Variants in PTPRN2 observed in about 807,000 individuals in gnomAD.
PTPRN2 encodes receptor-type tyrosine-protein phosphatase N2.
PTPRN2 carries 74 observed loss-of-function variants against 118.8 expected under a neutral mutation model. The ratio of observed to expected loss-of-function variants is 0.62; its 90% confidence interval spans 0.52 to 0.76. The LOEUF is 0.76. PTPRN2 is among the 30% of genes least tolerant of loss of function. The pLI, the probability that PTPRN2 is intolerant of heterozygous loss-of-function variation, is 0.00. For synonymous variants in PTPRN2, 641 were observed against 608.0 expected (o/e 1.05, Z -0.80); for missense variants, 1,481 against 1,394.4 (o/e 1.06, Z -0.99).
At chr7:158,141,619 G>A (rs1388400174) in intron 6 of PTPRN2, among the ~76,000 whole-genome samples, 1 of 152,100 alleles carries the variant, frequency 6.6e-6, no homozygotes, top group African/African-American at 2.4e-5. Flanking sequence ...CGGCTGTAAG[G>A]ACACATTTTT....
chr7:157,862,433 A>C lies in PTPRN2; in HGVS notation c.1788+36240T>G, dbSNP rs538866576. On this transcript the variant is annotated intron_variant, in intron 12 of 22. Coordinates refer to ENST00000389418, the MANE Select transcript of PTPRN2 (RefSeq NM_002847.5). Reference sequence around the variant, plus strand: ...TCACACGTGTGCTAATTTGCTGTACACCACCGGCTTATTTAATTGTTGTGC... The same window carrying C: ...TCACACGTGTGCTAATTTGCTGTACCCCACCGGCTTATTTAATTGTTGTGC... 4.6e-5 allele frequency: 7 copies of C among 152,340 alleles called. No homozygotes were observed. In the South Asian group the frequency reaches 1.5e-3, roughly 32 times the overall value. The allele number at this position is 152,340 out of a possible 1,614,324, so 9.4% of individuals were successfully genotyped here. A position where few individuals can be genotyped will look rare whatever the true frequency, so the allele number is the denominator to read the frequency against.
At chr7:157,897,543 C>T (rs1797201330) in intron 12 of PTPRN2, among the ~76,000 whole-genome samples, 1 of 152,208 alleles carries the variant, frequency 6.6e-6, no homozygotes, top group East Asian at 1.9e-4. Context: ...AGCACCTGTC[C>T]GGGACGTGCA....
intron 14 of PTPRN2, among the ~76,000 whole-genome samples, chr7:157,653,790 C>T (rs1313699596): frequency 2.6e-5 from 4 of 151,146 alleles, no homozygotes; most frequent in African/African-American, 7.3e-5. Flanking sequence ...GGACTCCACA[C>T]GATGCCCGCT....
intron 2 of PTPRN2, 53 bp downstream of exon 2, chr7:158,489,682 G>T (rs1340858391): frequency 3.9e-6 from 6 of 1,521,724 alleles, no homozygotes; most frequent in Non-Finnish European, 5.3e-6. Flanking sequence ...CGCTGCGCAC[G>T]GCGGGCAGGA....
chr7:157,968,678 C>A (rs1563283271), intron 11 of PTPRN2, among the ~76,000 whole-genome samples: 1 of 152,156 alleles, frequency 6.6e-6, no homozygotes, highest in Non-Finnish European at 1.5e-5. Context: ...GATGAAGAAT[C>A]CAGCCTGGGT....
At chr7:158,545,063 G>A (rs752855148) in intron 1 of PTPRN2, among the ~76,000 whole-genome samples, 14 of 152,220 alleles carry the variant, frequency 9.2e-5, no homozygotes, top group Admixed American at 2.6e-4. Flanking sequence ...CACCCACGGC[G>A]AGGAAGGCAC....
chr7:157,993,329 TA>T (rs111331744), intron 11 of PTPRN2, among the ~76,000 whole-genome samples: 50 of 144,834 alleles, frequency 3.5e-4, no homozygotes, highest in South Asian at 1.1e-3. Context: ...TTTATGAAAT[TA>T]AAAAAAAAAA....
At chr7:157,608,149 C>A (rs1407918399) in intron 15 of PTPRN2, among the ~76,000 whole-genome samples, 1 of 152,178 alleles carries the variant, frequency 6.6e-6, no homozygotes, top group East Asian at 1.9e-4. Context: ...ATCACTGCAA[C>A]CTCCACCTCT....
At chr7:157,728,808 C>T (rs1156409626) in intron 12 of PTPRN2, among the ~76,000 whole-genome samples, 1 of 152,210 alleles carries the variant, frequency 6.6e-6, no homozygotes, top group East Asian at 1.9e-4. Flanking sequence ...AATGAATTCC[C>T]AATCCCAGAC....
At chr7:157,873,782 A>T (rs1795536327) in intron 12 of PTPRN2, among the ~76,000 whole-genome samples, 1 of 151,918 alleles carries the variant, frequency 6.6e-6, no homozygotes, top group Non-Finnish European at 1.5e-5. Flanking sequence ...TACTGAGGAG[A>T]GCGCAGCACT....
At chr7:158,190,532 A>G (rs1244535869) in intron 5 of PTPRN2, among the ~76,000 whole-genome samples, 1 of 152,180 alleles carries the variant, frequency 6.6e-6, no homozygotes, top group Non-Finnish European at 1.5e-5. Context: ...GGCACAGAGC[A>G]GGGCTGGGAC....
intron 12 of PTPRN2, among the ~76,000 whole-genome samples, chr7:157,734,362 A>T (rs966363505): frequency 6.6e-6 from 1 of 152,258 alleles, no homozygotes; most frequent in African/African-American, 2.4e-5. Flanking sequence ...CACCCAGCAC[A>T]GTCATAGGCT....
chr7:158,371,280 G>T (rs1229497202), intron 2 of PTPRN2, among the ~76,000 whole-genome samples: 1 of 151,306 alleles, frequency 6.6e-6, no homozygotes, highest in Non-Finnish European at 1.5e-5. Flanking sequence ...GAAAAAATTA[G>T]GTGAATAGTT....
chr7:158,435,765 G>A (rs1563289479), intron 2 of PTPRN2, among the ~76,000 whole-genome samples: 2 of 152,164 alleles, frequency 1.3e-5, no homozygotes, highest in Admixed American at 1.3e-4. Context: ...AAATCCTGCT[G>A]TAAGTGACAG....
intron 13 of PTPRN2, among the ~76,000 whole-genome samples, chr7:157,668,519 C>T (rs1028816763): frequency 3.3e-5 from 5 of 152,178 alleles, no homozygotes; most frequent in African/African-American, 1.2e-4. Flanking sequence ...ACGTACAAAG[C>T]TGGGCAGGAA....
At chr7:157,993,352 G>A (rs1401768317) in intron 11 of PTPRN2, among the ~76,000 whole-genome samples, 3 of 151,556 alleles carry the variant, frequency 2.0e-5, no homozygotes, top group Non-Finnish European at 2.9e-5. Context: ...CACCTAAGCA[G>A]CCCTGAGCCT....
rs1452101641 is a variant in PTPRN2 at position 157,944,300 on chromosome 7, C to T, written c.1724-45563G>A. Among the ~76,000 whole-genome samples the T allele has an allele frequency of 1.3e-5, 2 of 152,156 alleles. No homozygotes were observed. Among genetic ancestry groups the T allele is most frequent in the Admixed American group, 1.3e-4 (2 of 15,280 alleles). On this transcript the variant is annotated intron_variant, in intron 11 of 22. Coordinates refer to ENST00000389418, the MANE Select transcript of PTPRN2 (RefSeq NM_002847.5). The surrounding 1 kb of genome is among the most constrained non-coding windows in gnomAD (Gnocchi z 4.3). ...ATGTCCAGCTTAACCAACACACGGC[C>T]CAGCAGTCTCGGTCAGTGGAGCCCA...
At chr7:158,161,011 ATTT>A (rs899955196) in intron 6 of PTPRN2, among the ~76,000 whole-genome samples, 1 of 152,052 alleles carries the variant, frequency 6.6e-6, no homozygotes, top group African/African-American at 2.4e-5. Context: ...TGAGACTGTG[ATTT>A]TCAGGATTTT....
At chr7:157,699,602 A>G (rs1019309343) in intron 12 of PTPRN2, among the ~76,000 whole-genome samples, 5 of 151,762 alleles carry the variant, frequency 3.3e-5, no homozygotes, top group African/African-American at 1.2e-4. Context: ...TTTTTTTTGT[A>G]TTTTTAGTAA....
Sources: allele counts gnomAD v4.1 joint callset (sites outside exome capture counted in the v4.1 genomes callset), GRCh38; gene constraint gnomAD v4.1.1; non-coding constraint Gnocchi (gnomAD v3.1); transcripts MANE v1.5; gene names NCBI Gene and HGNC (gene_info 2026-07-23, HGNC 2026-07-21).